Variants in CBX7 observed in about 807,000 individuals in gnomAD.
CBX7 encodes chromobox protein homolog 7.
Under a neutral mutation model 31.4 loss-of-function variants are expected in CBX7, and 14 were observed. That is an observed-to-expected ratio of 0.45 (90% CI 0.29 to 0.70). CBX7 has a LOEUF of 0.70. CBX7 is among the 30% of genes least tolerant of loss of function. The pLI is 0.11. For missense variants in CBX7, 269 were observed against 351.9 expected, an observed-to-expected ratio of 0.76 and a Z score of 1.89; for synonymous variants, 159 against 152.6, an observed-to-expected ratio of 1.04 and a Z score of -0.31.
intron 2 of CBX7, chr22:39,148,527 C>G (rs1393091096): frequency 1.3e-5 from 2 of 152,226 alleles, no homozygotes; most frequent in Non-Finnish European, 2.9e-5. Flanking sequence ...ATCGTCACTC[C>G]CTTTACTGCC....
Position 39,131,339 on chromosome 22 carries a change from C to G in CBX7, c.*2552G>C, listed in dbSNP as rs1047255325. 20 of 152,780 alleles carry G rather than the reference C, an allele frequency of 1.3e-4. No homozygotes were observed. Among genetic ancestry groups the G allele is most frequent in the African/African-American group, 4.8e-4 (20 of 41,554 alleles). The allele number at this position is 152,780 out of a possible 1,614,324, so 9.5% of individuals were successfully genotyped here. On this transcript the variant is annotated 3_prime_UTR_variant, in exon 6 of 6. Transcript: ENST00000216133. The stretch of plus-strand genomic sequence containing the variant: ...AAATGCTTTCTAAACCCTCCCCCCA[C>G]CCCCAAGAGTACTGGCCTTTTAAGA...
chr22:39,134,394 G>A lies in CBX7; in HGVS notation c.598+7C>T, dbSNP rs112476059. ...CTCTGAGGGTCTCTGGGCTGGGGCC[G>A]CCTTACCCTCCTCTTCAGGGGGCTG... is the stretch of plus-strand genomic sequence containing the variant. On this transcript the variant is annotated splice_region_variant and intron_variant, in intron 5 of 5. Transcript: ENST00000216133. 171 of 1,592,832 alleles carry A rather than the reference G, an allele frequency of 1.1e-4. 2 individuals are homozygous for A. In the African/African-American group the frequency reaches 1.4e-3, roughly 13 times the overall value.
intron 1 of CBX7, among the ~76,000 whole-genome samples, chr22:39,151,583 G>A (rs1406930042): frequency 3.9e-5 from 6 of 152,236 alleles, no homozygotes; most frequent in African/African-American, 1.2e-4. Context: ...AGGAAGGACA[G>A]TAGTGCGTAC....
At chr22:39,139,559 CGGGCATGGT>C (rs1315066667) in intron 3 of CBX7, among the ~76,000 whole-genome samples, 1 of 151,806 alleles carries the variant, frequency 6.6e-6, no homozygotes, top group African/African-American at 2.4e-5. Context: ...AAAAATTAGC[CGGGCATGGT>C]GGCGGGCACC....
At chr22:39,150,567 G>A (rs1056228106) in intron 1 of CBX7, among the ~76,000 whole-genome samples, 1 of 152,200 alleles carries the variant, frequency 6.6e-6, no homozygotes, top group Non-Finnish European at 1.5e-5. Context: ...CCAGGAAGGA[G>A]TTTGAGACAA....
chr22:39,143,383 CAT>C (rs1930528791), intron 2 of CBX7, among the ~76,000 whole-genome samples: 1 of 151,794 alleles, frequency 6.6e-6, no homozygotes, highest in African/African-American at 2.4e-5. Flanking sequence ...TACAGCCATA[CAT>C]GTTTATGTTT....
At chr22:39,137,284 C>G (rs556433345) in intron 4 of CBX7, among the ~76,000 whole-genome samples, 4 of 131,354 alleles carry the variant, frequency 3.0e-5, no homozygotes, top group Admixed American at 1.0e-4. Flanking sequence ...CTTTGAACAT[C>G]ATTTTGGTGC....
chr22:39,152,226 A>T lies in CBX7; in HGVS notation c.69+150T>A. Reference sequence around the variant, plus strand: ...GCCCTACACGGTGGCAGGGAAACTGAGGCACGGGCTGGGGAGACGGGCCCA... The same window carrying T: ...GCCCTACACGGTGGCAGGGAAACTGTGGCACGGGCTGGGGAGACGGGCCCA... On this transcript the variant is annotated intron_variant, in intron 1 of 5. Coordinates refer to ENST00000216133, the MANE Select transcript of CBX7 (RefSeq NM_175709.5). This position sits in a 1 kb window ranked among gnomAD's most constrained non-coding sequence, Gnocchi z 4.9. 1 of 313,390 alleles carries T rather than the reference A, an allele frequency of 3.2e-6. No individual in the cohort carries two copies. The highest frequency in any genetic ancestry group is 5.6e-6 in the Non-Finnish European group (1 of 179,456). 19.4% of individuals were successfully genotyped at this position (313,390 alleles called of 1,614,324 possible). A position where few individuals can be genotyped will look rare whatever the true frequency, so the allele number is the denominator to read the frequency against.
chr22:39,139,702 C>CAAAA (rs67244690), intron 3 of CBX7, among the ~76,000 whole-genome samples: 62 of 30,084 alleles, frequency 2.1e-3, no homozygotes, highest in Non-Finnish European at 2.5e-3. Flanking sequence ...GACTCCATCT[C>CAAAA]AAAAAAAAAA....
At chr22:39,141,476 C>A (rs746829188) in intron 2 of CBX7, 40 bp from the exon 3 acceptor site, 4 of 1,567,956 alleles carry the variant, frequency 2.6e-6, no homozygotes, top group Non-Finnish European at 3.5e-6. Context: ...GGGCTGGGCG[C>A]GGTGGCTCAT....
chr22:39,134,761 G>A lies in CBX7; in HGVS notation c.247-9C>T. 5 of 1,479,764 alleles carry A rather than the reference G, an allele frequency of 3.4e-6. No homozygotes were observed. The highest frequency in any genetic ancestry group is 2.7e-6 in the Non-Finnish European group (3 of 1,104,844). 91.7% of individuals were successfully genotyped at this position (1,479,764 alleles called of 1,614,324 possible). A position where few individuals can be genotyped will look rare whatever the true frequency, so the allele number is the denominator to read the frequency against. On this transcript the variant is annotated splice_polypyrimidine_tract_variant and intron_variant, in intron 4 of 5. Transcript: ENST00000216133. ...TCCATGCTGTACAGCCGCTGCGGGGGCAAGCCAGGGCAGCGCGGGTCAGCC... is the reference window on the plus strand; with the variant it reads ...TCCATGCTGTACAGCCGCTGCGGGGACAAGCCAGGGCAGCGCGGGTCAGCC...
chr22:39,140,707 C>G (rs1439505648), intron 3 of CBX7, among the ~76,000 whole-genome samples: 2 of 150,710 alleles, frequency 1.3e-5, no homozygotes, highest in Non-Finnish European at 2.9e-5. Context: ...CTGGGAGAGG[C>G]AGGGGACCTG....
At position 39,141,357 on chromosome 22, in the gene CBX7, C is replaced by T. The variant is rs755512881; in HGVS notation, c.179+14G>A. The stretch of plus-strand genomic sequence containing the variant: ...GGCCCTAAGCCCCACCCGGCGGTGC[C>T]GAGGACACCGTACTTCTCCTCGTAG... On this transcript the variant is annotated intron_variant, in intron 3 of 5. Transcript: ENST00000216133. The T allele has an allele frequency of 1.1e-5, 17 of 1,608,672 alleles. No individual in the cohort carries two copies. The highest frequency in any genetic ancestry group is 4.5e-5 in the South Asian group (4 of 89,862).
chr22:39,143,618 G>A (rs539444509), intron 2 of CBX7, among the ~76,000 whole-genome samples: 1 of 152,164 alleles, frequency 6.6e-6, no homozygotes, highest in African/African-American at 2.4e-5. Context: ...TCCACTCATC[G>A]ACAGTGAGTG....
At chr22:39,137,137 C>G (rs1930282325) in intron 4 of CBX7, among the ~76,000 whole-genome samples, 1 of 152,136 alleles carries the variant, frequency 6.6e-6, no homozygotes, top group African/African-American at 2.4e-5. Flanking sequence ...CAGAGCATTC[C>G]TTATCCGAAA....
intron 2 of CBX7, among the ~76,000 whole-genome samples, chr22:39,144,861 C>T (rs1930586429): frequency 6.6e-6 from 1 of 152,254 alleles, no homozygotes; most frequent in Non-Finnish European, 1.5e-5. Context: ...CCTCAAAAGG[C>T]GCTGGCGAGG....
chr22:39,149,326 C>G, intron 2 of CBX7: 1 of 170,502 alleles, frequency 5.9e-6, no homozygotes, highest in Non-Finnish European at 1.3e-5. Context: ...GTATGGGAAC[C>G]TGCTCTATAG....
rs1229045459 is a variant in CBX7 at position 39,132,979 on chromosome 22, T to A, written c.*912A>T. 1 of 152,346 alleles carries A rather than the reference T, an allele frequency of 6.6e-6. No homozygotes were observed. The highest frequency in any genetic ancestry group is 1.5e-5 in the Non-Finnish European group (1 of 68,164). The allele number at this position is 152,346 out of a possible 1,614,324, so 9.4% of individuals were successfully genotyped here. On this transcript the variant is annotated 3_prime_UTR_variant, in exon 6 of 6. Coordinates refer to ENST00000216133, the MANE Select transcript of CBX7 (RefSeq NM_175709.5). ...AGCCGAGAAACCACATCTGTATGCC[T>A]GGAGCATGGGGTGCCATCGCACCTG...
intron 5 of CBX7, 123 bp downstream of exon 5, chr22:39,134,278 G>A (rs1278577758): frequency 1.1e-6 from 1 of 947,748 alleles, no homozygotes; most frequent in South Asian, 1.7e-5. Context: ...GTTGGGCCCT[G>A]AGCCCAGACC....
Sources: allele counts gnomAD v4.1 joint callset (sites outside exome capture counted in the v4.1 genomes callset), GRCh38; gene constraint gnomAD v4.1.1; non-coding constraint Gnocchi (gnomAD v3.1); transcripts MANE v1.5; gene names NCBI Gene and HGNC (gene_info 2026-07-23, HGNC 2026-07-21).